DPP10: variants seen among roughly 807,000 people sequenced by gnomAD.
The protein encoded by DPP10 is inactive dipeptidyl peptidase 10.
A neutral mutation model predicts 120.9 loss-of-function variants in DPP10; 33 were observed. That is an observed-to-expected ratio of 0.27 (90% CI 0.21 to 0.37). DPP10 has a LOEUF of 0.37. Ranked by LOEUF, DPP10 falls within the 10% of genes least tolerant of loss-of-function variation. DPP10 has a pLI of 1.00. For missense variants in DPP10, 816 were observed against 942.8 expected (o/e 0.87, Z 1.76); for synonymous variants, 337 against 326.1 (o/e 1.03, Z -0.36).
chr2:115,599,267 C>T (rs533985361), intron 5 of DPP10, among the ~76,000 whole-genome samples: 2 of 152,188 alleles, frequency 1.3e-5, no homozygotes, highest in Admixed American at 1.3e-4. Context: ...TCTTCTGCTC[C>T]ATTTTCTTTC....
chr2:114,600,105 C>T (rs377395415), intron 1 of DPP10, among the ~76,000 whole-genome samples: 2 of 151,296 alleles, frequency 1.3e-5, no homozygotes, highest in Admixed American at 6.6e-5. Context: ...GCCACCATAT[C>T]TTTGGATATT....
intron 8 of DPP10, among the ~76,000 whole-genome samples, chr2:115,732,013 T>C (rs1308358657): frequency 6.6e-6 from 1 of 152,072 alleles, no homozygotes; most frequent in Non-Finnish European, 1.5e-5. Context: ...ACCTTTTTTT[T>C]CCCCTTTAAT....
rs111304170 is a variant in DPP10 at position 115,423,340 on chromosome 2, C to T, written c.272-76170C>T. 4.8e-4 allele frequency among the ~76,000 whole-genome samples: 73 copies of T among 152,090 alleles called. 2 individuals are homozygous for T. In the South Asian group the frequency reaches 0.012, roughly 25 times the overall value. ...GGCTAGAAAGACTATTGAACAGAGACGCTGTATGGTACATATTCTTATTAG... is the reference window on the plus strand; with the variant it reads ...GGCTAGAAAGACTATTGAACAGAGATGCTGTATGGTACATATTCTTATTAG... On this transcript the variant is annotated intron_variant, in intron 3 of 25. Transcript: ENST00000410059.
chr2:115,504,227 G>A (rs534705513), intron 4 of DPP10, among the ~76,000 whole-genome samples: 11 of 150,002 alleles, frequency 7.3e-5, no homozygotes, highest in Non-Finnish European at 1.5e-4. Flanking sequence ...TTCTGATTGG[G>A]ACTTTTTTGT....
At chr2:115,368,692 T>G (rs2065222582) in intron 3 of DPP10, among the ~76,000 whole-genome samples, 1 of 151,964 alleles carries the variant, frequency 6.6e-6, no homozygotes, top group Admixed American at 6.6e-5. Flanking sequence ...CTATGTGGTA[T>G]AATATGTTTT....
At chr2:115,772,029 C>T (rs1316292851) in intron 13 of DPP10, among the ~76,000 whole-genome samples, 1 of 150,806 alleles carries the variant, frequency 6.6e-6, no homozygotes, top group Non-Finnish European at 1.5e-5. Context: ...CAAGAGCTGT[C>T]CTTGTTAAAG....
chr2:115,006,626 A>G (rs867871506), intron 1 of DPP10, among the ~76,000 whole-genome samples: 3 of 148,476 alleles, frequency 2.0e-5, no homozygotes, highest in South Asian at 4.4e-4. Flanking sequence ...AAAGAAGGCC[A>G]TTACATAATG....
intron 1 of DPP10, among the ~76,000 whole-genome samples, chr2:114,683,715 C>G (rs118084189): frequency 6.6e-6 from 1 of 151,862 alleles, no homozygotes; most frequent in Non-Finnish European, 1.5e-5. Flanking sequence ...TAACTCCCTT[C>G]TACTACTTGA....
intron 1 of DPP10, among the ~76,000 whole-genome samples, chr2:114,855,114 T>TGG (rs1275746397): frequency 6.6e-6 from 1 of 151,534 alleles, no homozygotes; most frequent in Non-Finnish European, 1.5e-5. Context: ...GAGGGAATGG[T>TGG]GGGGAGAAAA....
At chr2:114,982,005 C>T (rs571371770) in intron 1 of DPP10, among the ~76,000 whole-genome samples, 12 of 151,994 alleles carry the variant, frequency 7.9e-5, no homozygotes, top group African/African-American at 2.9e-4. Flanking sequence ...AGTGATCCTC[C>T]CACCTCAGCC....
intron 1 of DPP10, among the ~76,000 whole-genome samples, chr2:114,557,543 C>T (rs1176310790): frequency 1.3e-5 from 2 of 152,100 alleles, no homozygotes; most frequent in Non-Finnish European, 2.9e-5. Flanking sequence ...GTTAACAAGT[C>T]GGCAAGCCAG....
intron 1 of DPP10, among the ~76,000 whole-genome samples, chr2:114,738,754 C>T (rs1200365105): frequency 6.6e-6 from 1 of 152,224 alleles, no homozygotes; most frequent in Non-Finnish European, 1.5e-5. Flanking sequence ...GTGGCCCTTT[C>T]AGTGGCTGCT....
At chr2:115,738,750 G>T (rs1194003439) in intron 8 of DPP10, among the ~76,000 whole-genome samples, 1 of 152,136 alleles carries the variant, frequency 6.6e-6, no homozygotes, top group African/African-American at 2.4e-5. Context: ...GACAAATGTA[G>T]TCTCAACATC....
chr2:114,595,325 C>A (rs1007249397), intron 1 of DPP10, among the ~76,000 whole-genome samples: 1 of 152,016 alleles, frequency 6.6e-6, no homozygotes, highest in Admixed American at 6.6e-5. Flanking sequence ...CGCCTACCCA[C>A]CACCCCACTT....
intron 1 of DPP10, among the ~76,000 whole-genome samples, chr2:114,866,303 T>A (rs1690229515): frequency 6.6e-6 from 1 of 152,112 alleles, no homozygotes; most frequent in Middle Eastern, 3.4e-3. Context: ...TTTATTGAGA[T>A]CTTGAGCTAG....
chr2:114,530,218 T>C (rs1685847137), intron 1 of DPP10, among the ~76,000 whole-genome samples: 1 of 152,168 alleles, frequency 6.6e-6, no homozygotes, highest in Admixed American at 6.6e-5. Flanking sequence ...ATAAAATAAG[T>C]TCCAGTGTGT....
chr2:114,585,471 T>A (rs1690883876), intron 1 of DPP10, among the ~76,000 whole-genome samples: 1 of 152,212 alleles, frequency 6.6e-6, no homozygotes. Flanking sequence ...CTTGGACTTT[T>A]AATATCATTT....
At position 114,949,298 on chromosome 2, in the gene DPP10, T is replaced by C. The variant is rs139567622; in HGVS notation, c.61-359941T>C. 1.1e-3 allele frequency among the ~76,000 whole-genome samples: 164 copies of C among 152,060 alleles called. 3 individuals are homozygous for C. In the East Asian group the frequency reaches 0.031, roughly 29 times the overall value. On this transcript the variant is annotated intron_variant, in intron 1 of 25. Transcript: ENST00000410059. ...AGGAGAACAGCATGGGGGAAGCACC[T>C]CCATAATCCAGTCACCTCCCAGCAG...
At chr2:115,786,779 G>T (rs1683392563) in intron 17 of DPP10, among the ~76,000 whole-genome samples, 1 of 152,184 alleles carries the variant, frequency 6.6e-6, no homozygotes, top group Non-Finnish European at 1.5e-5. Context: ...TTGAGGAATG[G>T]TATGGAATTT....
Sources: allele counts gnomAD v4.1 joint callset (sites outside exome capture counted in the v4.1 genomes callset), GRCh38; gene constraint gnomAD v4.1.1; transcripts MANE v1.5; gene names NCBI Gene and HGNC (gene_info 2026-07-23, HGNC 2026-07-21).